Variants in CEP192 observed in about 807,000 individuals in gnomAD.
CEP192 encodes the protein centrosomal protein of 192 kDa.
CEP192 carries 151 observed loss-of-function variants against 271.8 expected under a neutral mutation model. The ratio of observed to expected loss-of-function variants is 0.56; its 90% confidence interval spans 0.49 to 0.64. The LOEUF (loss-of-function observed/expected upper bound fraction) is 0.64. Ranked by LOEUF, CEP192 falls within the 30% of genes least tolerant of loss-of-function variation. The pLI, the probability that CEP192 is intolerant of heterozygous loss-of-function variation, is 0.00. For missense variants in CEP192, 2,910 were observed against 3,020.5 expected, an observed-to-expected ratio of 0.96 and a Z score of 0.86; for synonymous variants, 995 against 1,076.5, an observed-to-expected ratio of 0.92 and a Z score of 1.48.
At chr18:13,062,476 A>G (rs1431956282) in intron 21 of CEP192, among the ~76,000 whole-genome samples, 2 of 151,992 alleles carry the variant, frequency 1.3e-5, no homozygotes, top group African/African-American at 2.4e-5. Flanking sequence ...TTACATTCCT[A>G]GAAGAAATGT....
chr18:13,095,864 A>G (rs2039372821), intron 35 of CEP192, among the ~76,000 whole-genome samples, 183 bp downstream of exon 35: 1 of 152,176 alleles, frequency 6.6e-6, no homozygotes, highest in Admixed American at 6.5e-5. Flanking sequence ...TCCTTGTCCC[A>G]GGGCCACACT....
At chr18:13,024,522 G>A (rs919184598) in intron 9 of CEP192, among the ~76,000 whole-genome samples, 12 of 152,102 alleles carry the variant, frequency 7.9e-5, no homozygotes, top group Non-Finnish European at 1.0e-4. Context: ...GAATGCAGTG[G>A]TGCAATCTCG....
intron 9 of CEP192, among the ~76,000 whole-genome samples, chr18:13,021,552 C>G (rs1265314010): frequency 1.3e-5 from 2 of 152,188 alleles, no homozygotes; most frequent in Non-Finnish European, 2.9e-5. Context: ...CTTCATCCTT[C>G]AACTTAATTC....
chr18:13,059,182 C>A lies in CEP192; in HGVS notation c.4358C>A (p.Pro1453His). The change falls in exon 21 of 45, where the codon CCT becomes CAT. Residue 1453 changes from proline to histidine, a missense_variant. Transcript: ENST00000506447. ...AAAGTGCTTTTTATACCATCCAGTCCTGGGGTTTTCAGATGCACATTCAGT... is the reference window on the plus strand; with the variant it reads ...AAAGTGCTTTTTATACCATCCAGTCATGGGGTTTTCAGATGCACATTCAGT... Reference protein sequence around the residue: ...EIKVLFIPSSPGVFRCTFSVA... With the variant: ...EIKVLFIPSSHGVFRCTFSVA... The A allele has an allele frequency of 6.2e-7, 1 of 1,614,004 alleles. No individual in the cohort carries two copies. Among genetic ancestry groups the A allele is most frequent in the African/African-American group, 1.3e-5 (1 of 75,004 alleles).
chr18:13,056,754 A>G (rs2037128730), intron 19 of CEP192, 56 bp downstream of exon 19: 2 of 1,392,604 alleles, frequency 1.4e-6, no homozygotes, highest in South Asian at 1.4e-5. Flanking sequence ...AAATGACACC[A>G]CAAAGCTAGT....
chr18:13,114,359 C>G, intron 42 of CEP192, 108 bp downstream of exon 42: 3 of 1,153,924 alleles, frequency 2.6e-6, no homozygotes, highest in Middle Eastern at 2.1e-4. Flanking sequence ...GTTACCAGCA[C>G]TCCAACCAAG....
chr18:13,104,980 G>A lies in CEP192; in HGVS notation c.6952-4G>A. 6.2e-7 allele frequency: 1 copy of A among 1,604,456 alleles called. No individual in the cohort carries two copies. The highest frequency in any genetic ancestry group is 1.1e-5 in the South Asian group (1 of 90,884). The stretch of plus-strand genomic sequence containing the variant: ...TTTAATTTGTTTAAATGATTGCTTT[G>A]CAGGGAGTTGATGAAAGTGGAGATG... On this transcript the variant is annotated splice_region_variant and splice_polypyrimidine_tract_variant and intron_variant, in intron 39 of 44. Transcript: ENST00000506447.
intron 6 of CEP192, 66 bp downstream of exon 6, chr18:13,015,514 G>A: frequency 6.6e-7 from 1 of 1,512,382 alleles, no homozygotes. Flanking sequence ...CTTCTTTGTT[G>A]CAGTAGTTAT....
At position 13,049,538 on chromosome 18, in the gene CEP192, C is replaced by T. The variant is rs1026191685; in HGVS notation, c.2747C>T (p.Thr916Ile). 1.2e-6 allele frequency: 2 copies of T among 1,613,894 alleles called. No homozygotes were observed. The highest frequency in any genetic ancestry group is 2.7e-5 in the African/African-American group (2 of 74,868). The change falls in exon 16 of 45, where the codon ACA becomes ATA. Residue 916 changes from threonine (T) to isoleucine (I), a missense_variant. Physicochemically the swap from Thr to Ile is moderately conservative, Grantham distance 89. Coordinates refer to ENST00000506447, the MANE Select transcript of CEP192 (RefSeq NM_032142.4). Reference sequence around the variant, plus strand: ...TCATCAGTGAGGAACCCCAGAATAACATCCCTTTGTCTGTTAAAAGACTGT... The same window carrying T: ...TCATCAGTGAGGAACCCCAGAATAATATCCCTTTGTCTGTTAAAAGACTGT... ...SYSSVRNPRI[T>I]SLCLLKDCEE... is the part of the protein sequence containing the mutation.
intron 38 of CEP192, 118 bp from the exon 39 acceptor site, chr18:13,103,391 T>TA (rs1306939334): frequency 2.2e-5 from 16 of 725,844 alleles, no homozygotes; most frequent in Admixed American, 4.3e-5. Context: ...TGAACTCCTT[T>TA]AGGGATCTAA....
rs191503178 is a variant in CEP192 at position 13,056,095 on chromosome 18, C to G, written c.3505C>G (p.Leu1169Val). The G allele has an allele frequency of 2.5e-6, 4 of 1,613,504 alleles. No homozygotes were observed. Among genetic ancestry groups the G allele is most frequent in the Admixed American group, 1.7e-5 (1 of 60,000 alleles). The part of the protein sequence containing the change: ...PEELDPIRLA[L>V]LGKSGLSCQV... ...GGAATTGGACCCGATCAGGCTGGCTCTCCTGGGCAAGTCAGGTCTGAGCTG... is the reference window on the plus strand; with the variant it reads ...GGAATTGGACCCGATCAGGCTGGCTGTCCTGGGCAAGTCAGGTCTGAGCTG... Residue 1169 changes from leucine to valine, a missense_variant, in exon 19 of 45, where the codon CTC (leucine) becomes GTC (valine). Transcript: ENST00000506447.
intron 44 of CEP192, among the ~76,000 whole-genome samples, chr18:13,122,971 G>A (rs2040742929): frequency 6.6e-6 from 1 of 152,042 alleles, no homozygotes; most frequent in African/African-American, 2.4e-5. Context: ...TTTCTAAATT[G>A]CATTCCATTT....
intron 39 of CEP192, among the ~76,000 whole-genome samples, chr18:13,104,641 T>C (rs2039869189): frequency 6.6e-6 from 1 of 152,158 alleles, no homozygotes; most frequent in Non-Finnish European, 1.5e-5. Context: ...AATTAAAAAC[T>C]GGTATTGCAT....
At position 13,105,028 on chromosome 18, in the gene CEP192, A is replaced by G. The variant is rs758669205; in HGVS notation, c.6996A>G (p.Ala2332=). Residue 2332 remains alanine (A), a synonymous_variant, in exon 40 of 45, where the codon GCA becomes GCG. Coordinates refer to ENST00000506447, the MANE Select transcript of CEP192 (RefSeq NM_032142.4). Reference sequence around the variant, plus strand: ...ATGTTTTTAGAGCTACCTATGCAGCATTCAGATGTTCTCCTATTTCTGGTC... The same window carrying G: ...ATGTTTTTAGAGCTACCTATGCAGCGTTCAGATGTTCTCCTATTTCTGGTC... ...SGDVFRATYA[A]FRCSPISGLL... 1.2e-6 allele frequency: 2 copies of G among 1,614,208 alleles called. No individual in the cohort carries two copies. The highest frequency in any genetic ancestry group is 1.7e-6 in the Non-Finnish European group (2 of 1,179,978).
In CEP192 at chr18:13,096,227, TG is replaced by T; in HGVS notation, c.6478del (p.Val2160Ter). ...GACGTTTCCAGATTGTGAATAACTCTGTGAGGTTACTGAGATTTGAGCTGTG... is the reference window on the plus strand; with the variant it reads ...GACGTTTCCAGATTGTGAATAACTCTTGAGGTTACTGAGATTTGAGCTGTG... ...TGRFQIVNNS[V>X]RLLRFELCWP... On this transcript the variant is annotated frameshift_variant, in exon 36 of 45. Coordinates refer to ENST00000506447, the MANE Select transcript of CEP192 (RefSeq NM_032142.4). LOFTEE classifies it high-confidence loss of function. 6.2e-7 allele frequency: 1 copy of T among 1,614,208 alleles called. No homozygotes were observed. The highest frequency in any genetic ancestry group is 8.5e-7 in the Non-Finnish European group (1 of 1,179,992).
At chr18:13,092,992 A>C (rs1164196269) in intron 34 of CEP192, among the ~76,000 whole-genome samples, 1 of 152,132 alleles carries the variant, frequency 6.6e-6, no homozygotes, top group East Asian at 1.9e-4. Context: ...GTCTCTACTA[A>C]AAATACAAAA....
chr18:13,057,659 A>G lies in CEP192; in HGVS notation c.4183A>G (p.Ser1395Gly). The G allele has an allele frequency of 6.2e-7, 1 of 1,614,130 alleles. No individual in the cohort carries two copies. Among genetic ancestry groups the G allele is most frequent in the South Asian group, 1.1e-5 (1 of 91,074 alleles). ...CVGIASQTLL[S>G]VLNPTDRWLQ... ...CGGGATCGCTTCCCAGACCCTCCTC[A>G]GTGTGCTTAATCCAACTGACCGCTG... The change falls in exon 20 of 45, where the codon AGT becomes GGT. Residue 1395 changes from serine to glycine, a missense_variant. Coordinates refer to ENST00000506447, the MANE Select transcript of CEP192 (RefSeq NM_032142.4).
Position 13,095,818 on chromosome 18 carries a change from T to C in CEP192, c.6433+137T>C, listed in dbSNP as rs2039371237. ...TGACTTGCCCAGGCCCTGCTTCCAC[T>C]GTTGGAGACCCCACTCAGACTTGCC... On this transcript the variant is annotated intron_variant, in intron 35 of 44. Coordinates refer to ENST00000506447, the MANE Select transcript of CEP192 (RefSeq NM_032142.4). 5.3e-6 allele frequency: 4 copies of C among 758,306 alleles called. No homozygotes were observed. The East Asian group carries it at 1.1e-4, about 21-fold the overall frequency. The allele number at this position is 758,306 out of a possible 1,614,324, so 47.0% of individuals were successfully genotyped here.
At position 13,023,569 on chromosome 18, in the gene CEP192, A is replaced by T. The variant is rs192632399; in HGVS notation, c.1050+4363A>T. 1.8e-3 allele frequency among the ~76,000 whole-genome samples: 267 copies of T among 151,710 alleles called. 1 individual carries two copies. Among genetic ancestry groups the T allele is most frequent in the Middle Eastern group, 6.8e-3 (2 of 294 alleles). ...TTTTTGATTGTTGAACCAGGCTTGC[A>T]TACCTGGGATCTCCTTGGTTATGAT... On this transcript the variant is annotated intron_variant, in intron 9 of 44. Coordinates refer to ENST00000506447, the MANE Select transcript of CEP192 (RefSeq NM_032142.4).
Sources: gnomAD v4.1 joint callset for allele counts (sites outside exome capture counted in the v4.1 genomes callset) on GRCh38, gnomAD v4.1.1 for gene constraint, MANE v1.5 for transcripts, NCBI Gene and HGNC (gene_info 2026-07-23, HGNC 2026-07-21) for gene names.